NRDE2: variants seen among roughly 807,000 people sequenced by gnomAD.
The protein encoded by NRDE2 is nuclear exosome regulator NRDE2.
Under a neutral mutation model 124.2 loss-of-function variants are expected in NRDE2, and 76 were observed. That is an observed-to-expected ratio of 0.61 (90% CI 0.51 to 0.74). NRDE2 has a LOEUF of 0.74. NRDE2 is among the 30% of genes least tolerant of loss of function. The pLI is 0.00. For synonymous variants in NRDE2, 489 were observed against 528.1 expected (o/e 0.93, Z 1.01); for missense variants, 1,314 against 1,417.3 (o/e 0.93, Z 1.17).
At chr14:90,299,712 G>A (rs905746562) in intron 7 of NRDE2, among the ~76,000 whole-genome samples, 3 of 152,150 alleles carry the variant, frequency 2.0e-5, no homozygotes, top group Admixed American at 6.5e-5. Flanking sequence ...GTCCTGACAC[G>A]TCAGTCATCC....
intron 1 of NRDE2, among the ~76,000 whole-genome samples, chr14:90,322,610 T>C (rs571525046): frequency 2.0e-4 from 31 of 152,196 alleles, no homozygotes; most frequent in Non-Finnish European, 4.1e-4. Flanking sequence ...TGTAAATGTA[T>C]ATTTAATCAT....
chr14:90,306,152 T>C (rs1319276274), intron 4 of NRDE2, among the ~76,000 whole-genome samples: 1 of 152,194 alleles, frequency 6.6e-6, no homozygotes, highest in Non-Finnish European at 1.5e-5. Flanking sequence ...TATATTAAAA[T>C]TTTTTCCTAA....
rs138706639 is a variant in NRDE2, at chr14:90,303,972, C to T, written c.968G>A (p.Arg323Gln). Residue 323 changes from arginine to glutamine, a missense_variant, in exon 5 of 14, where the codon CGG becomes CAG. Physicochemically the swap from Arg to Gln is conservative, Grantham distance 43. Transcript: ENST00000354366. Reference sequence around the variant, plus strand: ...AAATGCCATCCACAGCTGCGTATCCCGAGGATTCTCCCGCACCCTCCTGTT... The same window carrying T: ...AAATGCCATCCACAGCTGCGTATCCTGAGGATTCTCCCGCACCCTCCTGTT... ...EFNRRVRENPRDTQLWMAFVA... is the reference protein window; with the variant it reads ...EFNRRVRENPQDTQLWMAFVA... 2.8e-3 allele frequency: 4,517 copies of T among 1,613,164 alleles called. 3 individuals are homozygous for T. The highest frequency in any genetic ancestry group is 3.4e-3 in the Non-Finnish European group (4,038 of 1,179,474).
chr14:90,283,903 G>C (rs766167611), intron 12 of NRDE2, among the ~76,000 whole-genome samples: 2 of 151,994 alleles, frequency 1.3e-5, no homozygotes, highest in Non-Finnish European at 1.5e-5. Context: ...AGTAGAGATG[G>C]CGTTTCACCG....
chr14:90,287,409 G>GGA (rs576241102), intron 11 of NRDE2, among the ~76,000 whole-genome samples: 3 of 152,146 alleles, frequency 2.0e-5, no homozygotes, highest in African/African-American at 7.2e-5. Flanking sequence ...CTTAAGCTCA[G>GGA]GAGATGGAGA....
At chr14:90,326,860 T>C (rs184142575) in intron 1 of NRDE2, among the ~76,000 whole-genome samples, 1 of 152,312 alleles carries the variant, frequency 6.6e-6, no homozygotes, top group Admixed American at 6.5e-5. Flanking sequence ...CTGTGGGCCA[T>C]GTCCTTAAAA....
At chr14:90,301,664 T>A (rs1292365919) in intron 6 of NRDE2, 1 of 458,342 alleles carries the variant, frequency 2.2e-6, no homozygotes, top group Non-Finnish European at 4.2e-6. Flanking sequence ...TGCTATCAAA[T>A]AATCACAGCT....
At chr14:90,326,264 G>T (rs930762208) in intron 1 of NRDE2, among the ~76,000 whole-genome samples, 1 of 152,112 alleles carries the variant, frequency 6.6e-6, no homozygotes, top group Admixed American at 6.5e-5. Context: ...GGAGGCCGAG[G>T]CGGGTGGATC....
At position 90,290,317 on chromosome 14, in the gene NRDE2, C is replaced by T; in HGVS notation, c.2133G>A (p.Glu711=). 1 of 1,614,118 alleles carries T rather than the reference C, an allele frequency of 6.2e-7. No homozygotes were observed. ...WTRGQNREGE[E]FIRNVFHLVM... ...CAAGGTGGAAGACATTGCGGATGAA[C>T]TCCTCGCCCTCTCGGTTCTGACCCC... Residue 711 remains glutamate, a synonymous_variant, in exon 10 of 14, where the codon GAG becomes GAA. Transcript: ENST00000354366.
chr14:90,278,647 C>T, intron 13 of NRDE2, 186 bp from the exon 14 acceptor site: 1 of 661,110 alleles, frequency 1.5e-6, no homozygotes, highest in Non-Finnish European at 2.5e-6. Context: ...GGACACTGAA[C>T]TCGCAAAAGT....
chr14:90,300,529 A>G (rs1218018429), intron 7 of NRDE2, among the ~76,000 whole-genome samples: 1 of 152,026 alleles, frequency 6.6e-6, no homozygotes, highest in Non-Finnish European at 1.5e-5. Context: ...AAAAAGGGAA[A>G]AGATACATTT....
chr14:90,278,424 TCATCGGGGAAATACTCCACGGCGTCCAG>T lies in NRDE2; in HGVS notation c.3379_3406del (p.Leu1127ArgfsTer8). On this transcript the variant is annotated frameshift_variant, in exon 14 of 14. Transcript: ENST00000354366. LOFTEE classifies it high-confidence loss of function. Reference sequence around the variant, plus strand: ...CATCAGGTCCAGGATCTCCTGCATCTCATCGGGGAAATACTCCACGGCGTCCAGGTACAACACCTAGGGGGCAGGCAGG... The same window carrying T: ...CATCAGGTCCAGGATCTCCTGCATCTGTACAACACCTAGGGGGCAGGCAGG... The T allele has an allele frequency of 1.9e-6, 3 of 1,614,046 alleles. No homozygotes were observed. Among genetic ancestry groups the T allele is most frequent in the Non-Finnish European group, 2.5e-6 (3 of 1,179,972 alleles).
chr14:90,269,281 G>A lies in NRDE2; in HGVS notation c.*9055C>T. 1 of 872,148 alleles carries A rather than the reference G, an allele frequency of 1.1e-6. No homozygotes were observed. Among genetic ancestry groups the A allele is most frequent in the South Asian group, 1.8e-5 (1 of 54,412 alleles). 54.0% of individuals were successfully genotyped at this position (872,148 alleles called of 1,614,324 possible). On this transcript the variant is annotated 3_prime_UTR_variant, in exon 14 of 14. Transcript: ENST00000354366. ...GAGCATAATTGAGGGAGTGCCATGTGAGTTGAAACAGGAATGTTTGTTAAG... is the reference window on the plus strand; with the variant it reads ...GAGCATAATTGAGGGAGTGCCATGTAAGTTGAAACAGGAATGTTTGTTAAG...
chr14:90,316,311 A>C (rs906813614), intron 3 of NRDE2, among the ~76,000 whole-genome samples: 3 of 152,180 alleles, frequency 2.0e-5, no homozygotes, highest in African/African-American at 4.8e-5. Flanking sequence ...TCACAGACCC[A>C]CTGTGGCACA....
At position 90,276,770 on chromosome 14, in the gene NRDE2, A is replaced by C. The variant is rs555762012; in HGVS notation, c.*1566T>G. On this transcript the variant is annotated 3_prime_UTR_variant, in exon 14 of 14. Coordinates refer to ENST00000354366, the MANE Select transcript of NRDE2 (RefSeq NM_017970.4). Reference sequence around the variant, plus strand: ...GCTGATCAGAGGCCACGCCCTTCTAAGTTCTGAACCAGATGAGAAGAGACA... The same window carrying C: ...GCTGATCAGAGGCCACGCCCTTCTACGTTCTGAACCAGATGAGAAGAGACA... The C allele has an allele frequency of 2.0e-5, 3 of 152,282 alleles. No homozygotes were observed. The South Asian group carries it at 6.2e-4, about 32-fold the overall frequency. 9.4% of individuals were successfully genotyped at this position (152,282 alleles called of 1,614,324 possible).
intron 4 of NRDE2, among the ~76,000 whole-genome samples, chr14:90,308,899 C>T (rs1884717520): frequency 6.6e-6 from 1 of 151,948 alleles, no homozygotes. Flanking sequence ...CCAAGGAGCA[C>T]GGACCAAATT....
At position 90,304,125 on chromosome 14, in the gene NRDE2, A is replaced by G; in HGVS notation, c.815T>C (p.Leu272Pro). ...AAPVTTWLNP[L>P]GIYDQSTTHW... The stretch of plus-strand genomic sequence containing the variant: ...TGTGGTTGACTGATCATAAATCCCC[A>G]GAGGATTCAACCAGGTTGTAACAGG... The change falls in exon 5 of 14, where the codon CTG becomes CCG. Residue 272 changes from leucine to proline, a missense_variant. Transcript: ENST00000354366. 5 of 1,614,168 alleles carry G rather than the reference A, an allele frequency of 3.1e-6. No homozygotes were observed. The highest frequency in any genetic ancestry group is 1.6e-4 in the Middle Eastern group (1 of 6,062).
At chr14:90,317,924 T>A (rs1054878179) in intron 2 of NRDE2, 81 bp downstream of exon 2, 31 of 961,618 alleles carry the variant, frequency 3.2e-5, no homozygotes, top group Non-Finnish European at 4.7e-5. Context: ...TTTATTAGAG[T>A]TTTCTAAGGA....
chr14:90,295,504 T>C (rs1457276849), intron 8 of NRDE2, among the ~76,000 whole-genome samples: 1 of 152,178 alleles, frequency 6.6e-6, no homozygotes, highest in Non-Finnish European at 1.5e-5. Context: ...TGAAAAACTC[T>C]TATAAGAGAA....
Sources: gnomAD v4.1 joint callset for allele counts (sites outside exome capture counted in the v4.1 genomes callset) on GRCh38, gnomAD v4.1.1 for gene constraint, MANE v1.5 for transcripts, NCBI Gene and HGNC (gene_info 2026-07-23, HGNC 2026-07-21) for gene names.